Variants in CPA5 observed in about 807,000 individuals in gnomAD.
CPA5 encodes testicular tissue protein Li 32.
A neutral mutation model predicts 52.2 loss-of-function variants in CPA5; 38 were observed. The observed-to-expected ratio is 0.73, with a 90% CI of 0.56 to 0.95. CPA5 has a LOEUF of 0.95. Ranked by LOEUF, CPA5 falls within the 40% of genes least tolerant of loss-of-function variation. The pLI, the probability that CPA5 is intolerant of heterozygous loss-of-function variation, is 0.00. For missense variants in CPA5, 519 were observed against 566.7 expected (o/e 0.92, Z 0.86); for synonymous variants, 198 against 213.7 (o/e 0.93, Z 0.64).
In CPA5 at chr7:130,368,478, C is replaced by A. The variant is rs782273140; in HGVS notation, c.1192C>A (p.Leu398Ile). ...CATCAAGTACGCCTTCAGCTTTGAG[C>A]TCCGGGACACTGGGCAGTATGGCTT... is the stretch of plus-strand genomic sequence containing the variant. ...SGIKYAFSFE[L>I]RDTGQYGFLL... The change falls in exon 13 of 13, where the codon CTC (leucine) becomes ATC (isoleucine). Residue 398 changes from leucine to isoleucine, a missense_variant. By Grantham distance (5) the Leu-to-Ile change is conservative. Transcript: ENST00000474905. The A allele has an allele frequency of 5.0e-6, 8 of 1,614,164 alleles. No individual in the cohort carries two copies. The highest frequency in any genetic ancestry group is 8.5e-7 in the Non-Finnish European group (1 of 1,180,026).
intron 5 of CPA5, among the ~76,000 whole-genome samples, chr7:130,358,196 G>A (rs192050612): frequency 5.5e-4 from 84 of 152,148 alleles, no homozygotes; most frequent in Middle Eastern, 3.4e-3. Flanking sequence ...ATGGGGCCTT[G>A]CTTTGTTGCC....
At chr7:130,367,723 G>T in intron 11 of CPA5, 152 bp downstream of exon 11, 1 of 876,098 alleles carries the variant, frequency 1.1e-6, no homozygotes, top group Non-Finnish European at 1.8e-6. Context: ...GGGGGAGCTT[G>T]CTGTTCTCAC....
At chr7:130,371,715 G>A (rs929540130), downstream of CPA5, among the ~76,000 whole-genome samples, 1 of 151,936 alleles carries the variant, frequency 6.6e-6, no homozygotes, top group Non-Finnish European at 1.5e-5. Context: ...GTGCCACCAC[G>A]CCTGGCTAAT....
At chr7:130,361,361 T>TC in intron 7 of CPA5, 117 bp downstream of exon 7, 1 of 705,116 alleles carries the variant, frequency 1.4e-6, no homozygotes. Flanking sequence ...ATTTGTCTAC[T>TC]CCTGTCCCCA....
chr7:130,359,225 C>T (rs973725416), intron 5 of CPA5, among the ~76,000 whole-genome samples: 6 of 152,188 alleles, frequency 3.9e-5, no homozygotes, highest in Non-Finnish European at 7.3e-5. Flanking sequence ...CCTTCAAATC[C>T]ATTATTACAT....
At chr7:130,347,559 C>T (rs1385540187) in intron 3 of CPA5, among the ~76,000 whole-genome samples, 1 of 152,188 alleles carries the variant, frequency 6.6e-6, no homozygotes, top group Non-Finnish European at 1.5e-5. Context: ...AGCCCACTGG[C>T]TCTAGACTGA....
At chr7:130,348,687 T>A (rs1310856102) in intron 4 of CPA5, among the ~76,000 whole-genome samples, 3 of 152,046 alleles carry the variant, frequency 2.0e-5, no homozygotes, top group Admixed American at 6.5e-5. Context: ...TGAGTATGAG[T>A]GAGGTGTGGA....
At chr7:130,361,102 TC>T in intron 6 of CPA5, 40 bp from the exon 7 acceptor site, 1 of 1,314,480 alleles carries the variant, frequency 7.6e-7, no homozygotes, top group Non-Finnish European at 1.1e-6. Flanking sequence ...TCATCCCTCT[TC>T]CTGCTTAACT....
chr7:130,366,658 T>TGGCTTCCCATATC (rs1796103310), intron 10 of CPA5, among the ~76,000 whole-genome samples: 1 of 152,228 alleles, frequency 6.6e-6, no homozygotes, highest in African/African-American at 2.4e-5. Flanking sequence ...TCTCCCGTAT[T>TGGCTTCCCATATC]GGTTTCCCAT....
chr7:130,357,136 G>A (rs185371584), intron 5 of CPA5, among the ~76,000 whole-genome samples: 4 of 152,276 alleles, frequency 2.6e-5, no homozygotes, highest in Non-Finnish European at 4.4e-5. Flanking sequence ...TAATTGCCTC[G>A]CATGGAGTTG....
rs532451112 is a variant in CPA5, at chr7:130,366,002, G to A, written c.839-1370G>A. ...CATCCCAGGTGAGGACCACCAAACCGAGAAGGGGCGCGCTCCCTGGGCCTC... is the reference window on the plus strand; with the variant it reads ...CATCCCAGGTGAGGACCACCAAACCAAGAAGGGGCGCGCTCCCTGGGCCTC... On this transcript the variant is annotated intron_variant, in intron 10 of 12. Transcript: ENST00000474905. 1.5e-4 allele frequency among the ~76,000 whole-genome samples: 23 copies of A among 152,340 alleles called. No individual in the cohort carries two copies. The South Asian group carries it at 2.1e-3, about 14-fold the overall frequency.
intron 5 of CPA5, among the ~76,000 whole-genome samples, chr7:130,352,084 A>G (rs1215300441): frequency 6.6e-6 from 1 of 152,154 alleles, no homozygotes; most frequent in Non-Finnish European, 1.5e-5. Flanking sequence ...AGGAGGAGGA[A>G]AGGAAAGAGG....
At chr7:130,371,135 T>C (rs1161020665), downstream of CPA5, among the ~76,000 whole-genome samples, 1 of 152,216 alleles carries the variant, frequency 6.6e-6, no homozygotes, top group Non-Finnish European at 1.5e-5. Context: ...CTAGGAGATT[T>C]GAATGCCAAA....
intron 5 of CPA5, among the ~76,000 whole-genome samples, chr7:130,354,129 T>C (rs1420924702): frequency 6.6e-6 from 1 of 152,114 alleles, no homozygotes; most frequent in Non-Finnish European, 1.5e-5. Flanking sequence ...GGTCTGATTA[T>C]GTTGCCCAGG....
At chr7:130,371,567 AG>A (rs1201241797), downstream of CPA5, among the ~76,000 whole-genome samples, 1 of 150,970 alleles carries the variant, frequency 6.6e-6, no homozygotes, top group African/African-American at 2.5e-5. Context: ...GTCCAGATGG[AG>A]GTCTTCTTTT....
At chr7:130,358,902 G>A (rs929097060) in intron 5 of CPA5, among the ~76,000 whole-genome samples, 1 of 152,208 alleles carries the variant, frequency 6.6e-6, no homozygotes, top group Admixed American at 6.5e-5. Flanking sequence ...TTGACTCCAC[G>A]TTGATACCCA....
downstream of CPA5, among the ~76,000 whole-genome samples, chr7:130,372,752 T>C (rs1289793505): frequency 6.6e-6 from 1 of 151,850 alleles, no homozygotes; most frequent in African/African-American, 2.4e-5. Context: ...AAAATTGGAG[T>C]TCTGTGGGCA....
At chr7:130,357,263 T>C (rs1466237687) in intron 5 of CPA5, among the ~76,000 whole-genome samples, 1 of 152,146 alleles carries the variant, frequency 6.6e-6, no homozygotes, top group Non-Finnish European at 1.5e-5. Context: ...TCATTAGGCA[T>C]TGCCTCATCT....
Position 130,347,753 on chromosome 7 carries a change from T to A in CPA5, c.117-13T>A. On this transcript the variant is annotated splice_polypyrimidine_tract_variant and intron_variant, in intron 3 of 12. Transcript: ENST00000474905. ...CTCCGCAGCTTCCTCCGCCCCTCCC[T>A]GTGTTTTTCTAGGGACCAGGTTCTT... 1 of 1,611,478 alleles carries A rather than the reference T, an allele frequency of 6.2e-7. No individual in the cohort carries two copies. Among genetic ancestry groups the A allele is most frequent in the Non-Finnish European group, 8.5e-7 (1 of 1,177,792 alleles).
Sources: gnomAD v4.1 joint callset for allele counts (sites outside exome capture counted in the v4.1 genomes callset) on GRCh38, gnomAD v4.1.1 for gene constraint, MANE v1.5 for transcripts, NCBI Gene and HGNC (gene_info 2026-07-23, HGNC 2026-07-21) for gene names.